The following RUNX1 variants were observed in gnomAD, a reference collection of about 807,000 sequenced individuals.
RUNX1 encodes RUNX family transcription factor 1.
RUNX1 carries 19 observed loss-of-function variants against 42.8 expected under a neutral mutation model. The ratio of observed to expected loss-of-function variants is 0.44; its 90% CI spans 0.31 to 0.65. RUNX1 has a LOEUF of 0.65. RUNX1 is among the 30% of genes least tolerant of loss of function. The pLI is 0.07. For missense variants in RUNX1, 528 were observed against 672.0 expected, an observed-to-expected ratio of 0.79 and a Z score of 2.37; for synonymous variants, 271 against 289.4, an observed-to-expected ratio of 0.94 and a Z score of 0.64.
intron 2 of RUNX1, among the ~76,000 whole-genome samples, chr21:34,967,105 A>G (rs185740407): frequency 3.6e-4 from 54 of 151,900 alleles, no homozygotes; most frequent in Non-Finnish European, 7.1e-4. Context: ...TGGATCATGA[A>G]GTCAGGAGAT....
intron 2 of RUNX1, among the ~76,000 whole-genome samples, chr21:34,941,644 A>G (rs1007224361): frequency 1.3e-5 from 2 of 152,226 alleles, no homozygotes; most frequent in African/African-American, 2.4e-5. Context: ...GTCAGCCCAT[A>G]TACTCTACAA....
intron 2 of RUNX1, among the ~76,000 whole-genome samples, chr21:34,989,956 G>A (rs866985979): frequency 3.9e-5 from 6 of 152,152 alleles, no homozygotes; most frequent in African/African-American, 1.2e-4. Flanking sequence ...GGTTGGGGAC[G>A]GGAGCATGCT....
At chr21:34,825,202 C>T (rs1002854817) in intron 7 of RUNX1, among the ~76,000 whole-genome samples, 1 of 152,138 alleles carries the variant, frequency 6.6e-6, no homozygotes, top group African/African-American at 2.4e-5. Context: ...TTGAGTCCAT[C>T]CCAACTGTCT....
chr21:34,875,050 T>C (rs1341670358), intron 5 of RUNX1, among the ~76,000 whole-genome samples: 3 of 152,214 alleles, frequency 2.0e-5, no homozygotes, highest in Non-Finnish European at 2.9e-5. Flanking sequence ...TTCATACAAA[T>C]AACCTCAATT....
At chr21:34,858,702 C>T (rs780945815) in intron 6 of RUNX1, among the ~76,000 whole-genome samples, 22 of 152,198 alleles carry the variant, frequency 1.4e-4, no homozygotes, top group African/African-American at 3.9e-4. Flanking sequence ...GGATGCTGGG[C>T]GGGGGTGCTG....
chr21:34,949,489 G>A (rs891905552), intron 2 of RUNX1, among the ~76,000 whole-genome samples: 3 of 152,238 alleles, frequency 2.0e-5, no homozygotes, highest in African/African-American at 7.2e-5. Flanking sequence ...CAATGTGGCT[G>A]GGTTGAATGC....
rs1057356006 is a variant in RUNX1 at position 34,901,664 on chromosome 21, C to T, written c.59-8701G>A. 1.3e-5 allele frequency among the ~76,000 whole-genome samples: 2 copies of T among 152,214 alleles called. No individual in the cohort carries two copies. The highest frequency in any genetic ancestry group is 4.8e-5 in the African/African-American group (2 of 41,446). The stretch of plus-strand genomic sequence containing the variant: ...TTTGGTGTGGGCCCTTCTCCACATG[C>T]TCTTTGGTTCCGTCAGCTACAGACA... On this transcript the variant is annotated intron_variant, in intron 2 of 8. Coordinates refer to ENST00000675419, the MANE Select transcript of RUNX1 (RefSeq NM_001754.5). The surrounding 1 kb of genome is among the most constrained non-coding windows in gnomAD (Gnocchi z 4.3).
rs145698653 is a variant in RUNX1, at chr21:34,871,278, C to T, written c.508+9279G>A. Among the ~76,000 whole-genome samples, 102 of 152,300 alleles carry T rather than the reference C, an allele frequency of 6.7e-4. No homozygotes were observed. In the East Asian group the frequency reaches 0.014, roughly 22 times the overall value. ...TCTGTGCAGTCCCTGGCTCAGACAC[C>T]GTCCACGAACTCCCATTTGGATAGT... On this transcript the variant is annotated intron_variant, in intron 5 of 8. Coordinates refer to ENST00000675419, the MANE Select transcript of RUNX1 (RefSeq NM_001754.5).
intron 2 of RUNX1, among the ~76,000 whole-genome samples, chr21:35,041,577 A>T (rs1406845000): frequency 6.6e-6 from 1 of 152,242 alleles, no homozygotes; most frequent in African/African-American, 2.4e-5. Flanking sequence ...AAAGCAAAAC[A>T]AAAAGAAATT....
intron 2 of RUNX1, among the ~76,000 whole-genome samples, chr21:35,015,260 C>T (rs2059151503): frequency 6.6e-6 from 1 of 152,160 alleles, no homozygotes; most frequent in African/African-American, 2.4e-5. Flanking sequence ...GAGGGTTAAA[C>T]TTGGTAATAT....
At chr21:35,013,829 T>G (rs915739302) in intron 2 of RUNX1, among the ~76,000 whole-genome samples, 10 of 152,226 alleles carry the variant, frequency 6.6e-5, no homozygotes, top group African/African-American at 2.4e-4. Flanking sequence ...ACAATCTAAA[T>G]TATCAACAAT....
intron 7 of RUNX1, among the ~76,000 whole-genome samples, chr21:34,800,068 CAGT>C (rs1247585287): frequency 1.1e-4 from 16 of 152,180 alleles, no homozygotes; most frequent in African/African-American, 2.9e-4. Flanking sequence ...ACAAACCCAG[CAGT>C]AGAACTGGCC....
At chr21:34,828,063 C>A (rs1423634986) in intron 7 of RUNX1, among the ~76,000 whole-genome samples, 3 of 152,218 alleles carry the variant, frequency 2.0e-5, no homozygotes, top group Non-Finnish European at 2.9e-5. Context: ...GCAACTCTAG[C>A]CTGGTAATGC....
chr21:34,853,307 C>T (rs1297231018), intron 6 of RUNX1, among the ~76,000 whole-genome samples: 3 of 152,072 alleles, frequency 2.0e-5, no homozygotes, highest in Non-Finnish European at 4.4e-5. Context: ...ACACTGATTC[C>T]CTCCTGTCAG....
chr21:34,916,559 G>A (rs2058313736), intron 2 of RUNX1, among the ~76,000 whole-genome samples: 1 of 152,196 alleles, frequency 6.6e-6, no homozygotes, highest in African/African-American at 2.4e-5. Context: ...GGAGAAATGA[G>A]TTCCATCTGA....
intron 2 of RUNX1, among the ~76,000 whole-genome samples, chr21:34,975,253 A>G (rs2058792697): frequency 6.6e-6 from 1 of 152,230 alleles, no homozygotes; most frequent in African/African-American, 2.4e-5. Flanking sequence ...TATTATGAAG[A>G]TACATATTTG....
At chr21:35,047,343 C>A (rs987335628) in intron 2 of RUNX1, among the ~76,000 whole-genome samples, 12 of 152,008 alleles carry the variant, frequency 7.9e-5, no homozygotes, top group African/African-American at 2.9e-4. Context: ...GTGTTACCAA[C>A]CAAACGACGC....
At chr21:35,016,575 T>C (rs1386746736) in intron 2 of RUNX1, among the ~76,000 whole-genome samples, 2 of 152,094 alleles carry the variant, frequency 1.3e-5, no homozygotes, top group African/African-American at 4.8e-5. Context: ...AATTATAAAA[T>C]AGGTACAGTT....
chr21:35,047,280 G>A (rs2059402712), intron 2 of RUNX1, among the ~76,000 whole-genome samples: 1 of 151,964 alleles, frequency 6.6e-6, no homozygotes. Flanking sequence ...GCAGCCCAGA[G>A]GAAATGCAGC....
Sources: gnomAD v4.1 joint callset for allele counts (sites outside exome capture counted in the v4.1 genomes callset) on GRCh38, gnomAD v4.1.1 for gene constraint, Gnocchi (gnomAD v3.1) non-coding constraint, MANE v1.5 for transcripts, NCBI Gene and HGNC (gene_info 2026-07-23, HGNC 2026-07-21) for gene names.